LHFPL3: variants seen among roughly 807,000 people sequenced by gnomAD.
LHFPL3 encodes the protein LHFPL tetraspan subfamily member 3 protein.
Under a neutral mutation model 19.3 loss-of-function variants are expected in LHFPL3, and 5 were observed. The observed-to-expected ratio is 0.26, with a 90% CI of 0.14 to 0.54. The LOEUF is 0.54. Among genes scored for constraint, LHFPL3 ranks in the 20% least tolerant of loss-of-function variants. The probability of loss-of-function intolerance (pLI) is 0.94; values close to 1 mark genes in which losing one functional copy is unlikely to be tolerated. For missense variants in LHFPL3, 249 were observed against 307.4 expected (o/e 0.81, Z 1.42); for synonymous variants, 133 against 126.2 (o/e 1.05, Z -0.36).
chr7:104,590,667 C>T (rs201467714), intron 1 of LHFPL3, among the ~76,000 whole-genome samples: 14 of 152,022 alleles, frequency 9.2e-5, no homozygotes, highest in Non-Finnish European at 1.6e-4. Flanking sequence ...CTGGATATCC[C>T]TGTTAACTTT....
At chr7:104,863,462 G>C (rs1791654918) in intron 2 of LHFPL3, among the ~76,000 whole-genome samples, 1 of 152,230 alleles carries the variant, frequency 6.6e-6, no homozygotes, top group Admixed American at 6.5e-5. Flanking sequence ...TATAAGTGCT[G>C]TGTTCCAGGG....
At chr7:104,639,899 T>C (rs1344148808) in intron 1 of LHFPL3, among the ~76,000 whole-genome samples, 1 of 152,210 alleles carries the variant, frequency 6.6e-6, no homozygotes, top group Non-Finnish European at 1.5e-5. Flanking sequence ...TTAATTATTC[T>C]ATGATCTTTT....
At chr7:104,607,105 C>T (rs1338129870) in intron 1 of LHFPL3, among the ~76,000 whole-genome samples, 1 of 152,196 alleles carries the variant, frequency 6.6e-6, no homozygotes, top group Non-Finnish European at 1.5e-5. Flanking sequence ...GGAGTTCAGG[C>T]CCCTCTCATA....
rs59920061 is a variant in LHFPL3 at position 104,900,589 on chromosome 7, G to A, written c.683-5598G>A. 5.3e-3 allele frequency among the ~76,000 whole-genome samples: 802 copies of A among 152,306 alleles called. 11 individuals are homozygous for A. The highest frequency in any genetic ancestry group is 0.018 in the African/African-American group (764 of 41,548). The stretch of plus-strand genomic sequence containing the variant: ...GTATGTCAGATCCAAAGGGAGACAG[G>A]AGGAGTCAGCTCTCCTGACTGTGGG... On this transcript the variant is annotated intron_variant, in intron 2 of 2. Transcript: ENST00000424859.
chr7:104,801,539 TTTTGTTTTTGTATGTTTG>T (rs1354905786), intron 2 of LHFPL3, among the ~76,000 whole-genome samples: 2 of 152,132 alleles, frequency 1.3e-5, no homozygotes, highest in Admixed American at 1.3e-4. Flanking sequence ...TTTGTTGTTT[TTTTGTTTTTGTATGTTTG>T]TTTGTTTTGT....
intron 1 of LHFPL3, among the ~76,000 whole-genome samples, chr7:104,652,035 A>C (rs1389816946): frequency 6.6e-6 from 1 of 152,188 alleles, no homozygotes; most frequent in East Asian, 1.9e-4. Context: ...CAGGAGGAGG[A>C]GAGAGGCATC....
At chr7:104,554,679 A>T (rs570553364) in intron 1 of LHFPL3, among the ~76,000 whole-genome samples, 4 of 150,042 alleles carry the variant, frequency 2.7e-5, no homozygotes, top group African/African-American at 7.6e-5. Context: ...AGATAGATAG[A>T]TAGATAGATA....
chr7:104,759,130 G>T (rs1341499049), intron 2 of LHFPL3, among the ~76,000 whole-genome samples: 1 of 152,174 alleles, frequency 6.6e-6, no homozygotes, highest in African/African-American at 2.4e-5. Context: ...AGAGTGGGCT[G>T]ATGCTTAAAG....
At position 104,399,268 on chromosome 7, in the gene LHFPL3, G is replaced by A. The variant is rs1791260898; in HGVS notation, c.445+70044G>A. ...GTGCAGATTTAGGGTGCTAGAATAAGCATCTAGAATTACAATGAATATGGG... is the reference window on the plus strand; with the variant it reads ...GTGCAGATTTAGGGTGCTAGAATAAACATCTAGAATTACAATGAATATGGG... On this transcript the variant is annotated intron_variant, in intron 1 of 2. Transcript: ENST00000424859. The surrounding 1 kb of genome is among the most constrained non-coding windows in gnomAD (Gnocchi z 4.4). Among the ~76,000 whole-genome samples the A allele has an allele frequency of 6.6e-6, 1 of 152,180 alleles. No individual in the cohort carries two copies. The highest frequency in any genetic ancestry group is 6.5e-5 in the Admixed American group (1 of 15,296).
At chr7:104,603,132 T>TTC (rs1184109857) in intron 1 of LHFPL3, among the ~76,000 whole-genome samples, 1 of 132,928 alleles carries the variant, frequency 7.5e-6, no homozygotes, top group Non-Finnish European at 1.6e-5. Flanking sequence ...CTTTCTTTCT[T>TTC]TTTTCCCTTC....
At chr7:104,403,961 A>G (rs1240252431) in intron 1 of LHFPL3, among the ~76,000 whole-genome samples, 1 of 152,210 alleles carries the variant, frequency 6.6e-6, no homozygotes, top group Non-Finnish European at 1.5e-5. Context: ...TCCTAATTTC[A>G]GTGTCCACAA....
chr7:104,802,047 CCT>C (rs1024126083), intron 2 of LHFPL3, among the ~76,000 whole-genome samples: 18 of 152,106 alleles, frequency 1.2e-4, no homozygotes, highest in Admixed American at 2.6e-4. Flanking sequence ...TTCTTCCCTA[CCT>C]CTTTCTCTAC....
At chr7:104,542,076 G>A (rs1243637052) in intron 1 of LHFPL3, among the ~76,000 whole-genome samples, 1 of 151,882 alleles carries the variant, frequency 6.6e-6, no homozygotes, top group Admixed American at 6.6e-5. Flanking sequence ...TAAGATAAGG[G>A]CAGAGAAGAG....
intron 1 of LHFPL3, among the ~76,000 whole-genome samples, chr7:104,670,599 T>G (rs1471785875): frequency 6.6e-6 from 1 of 152,202 alleles, no homozygotes; most frequent in Non-Finnish European, 1.5e-5. Context: ...GAAGAATCGC[T>G]GCTTTTCTCA....
At chr7:104,347,399 A>G (rs1790091244) in intron 1 of LHFPL3, among the ~76,000 whole-genome samples, 2 of 152,106 alleles carry the variant, frequency 1.3e-5, no homozygotes, top group Non-Finnish European at 2.9e-5. Context: ...GAAACTTTCC[A>G]GGGCTGGGTC....
At chr7:104,430,448 ATATATATTTTTT>A (rs1791973801) in intron 1 of LHFPL3, among the ~76,000 whole-genome samples, 1 of 21,110 alleles carries the variant, frequency 4.7e-5, no homozygotes, top group East Asian at 1.6e-3. Flanking sequence ...ATATATATAT[ATATATATTTTTT>A]TTTTTTTTTT....
At chr7:104,637,250 G>A (rs1372207350) in intron 1 of LHFPL3, among the ~76,000 whole-genome samples, 11 of 152,008 alleles carry the variant, frequency 7.2e-5, no homozygotes, top group Non-Finnish European at 1.2e-4. Flanking sequence ...TTGTAAATTT[G>A]TTTAAGTTCC....
intron 1 of LHFPL3, among the ~76,000 whole-genome samples, chr7:104,649,396 A>G (rs1383278320): frequency 3.9e-5 from 6 of 152,192 alleles, no homozygotes; most frequent in African/African-American, 1.2e-4. Context: ...ACCTCTTACC[A>G]CACAATAACA....
intron 1 of LHFPL3, among the ~76,000 whole-genome samples, chr7:104,338,750 A>T (rs746480942): frequency 8.5e-5 from 13 of 152,102 alleles, no homozygotes; most frequent in Admixed American, 3.3e-4. Flanking sequence ...GTTGATTGAA[A>T]ATTAGACTTA....
Sources: gnomAD v4.1 joint callset for allele counts (sites outside exome capture counted in the v4.1 genomes callset) on GRCh38, gnomAD v4.1.1 for gene constraint, Gnocchi (gnomAD v3.1) non-coding constraint, MANE v1.5 for transcripts, NCBI Gene and HGNC (gene_info 2026-07-23, HGNC 2026-07-21) for gene names.